Variants in GALNT13 observed in about 807,000 individuals in gnomAD.
GALNT13 encodes the protein UDP-GalNAc:polypeptide N-acetylgalactosaminyltransferase 13.
A neutral mutation model predicts 64.2 loss-of-function variants in GALNT13; 28 were observed. That is an observed-to-expected ratio of 0.44 (90% CI 0.32 to 0.60). The LOEUF (loss-of-function observed/expected upper bound fraction) is 0.60. Among genes scored for constraint, GALNT13 ranks in the 20% least tolerant of loss-of-function variants. The pLI is 0.05. For missense variants in GALNT13, 577 were observed against 669.8 expected (o/e 0.86, Z 1.53); for synonymous variants, 214 against 224.6 (o/e 0.95, Z 0.42).
At chr2:153,641,589 T>G in the GALNT13 span, among the ~76,000 whole-genome samples, 1 of 152,152 alleles carries the variant, frequency 6.6e-6, no homozygotes, top group Admixed American at 6.6e-5. Flanking sequence ...CCATGTTTAC[T>G]TGTAAGCGGG....
the GALNT13 span, among the ~76,000 whole-genome samples, chr2:153,345,651 C>CTT: frequency 7.7e-6 from 1 of 129,522 alleles, no homozygotes; most frequent in East Asian, 2.3e-4. Flanking sequence ...TTCTTTCTTT[C>CTT]TTTCTTTCTT....
chr2:153,187,174 A>G, the GALNT13 span, among the ~76,000 whole-genome samples: 42 of 152,342 alleles, frequency 2.8e-4, 1 homozygote, highest in Middle Eastern at 3.4e-3. Flanking sequence ...AAAAATAATA[A>G]TTGACATAAT....
At chr2:153,320,224 T>G in the GALNT13 span, among the ~76,000 whole-genome samples, 1 of 152,208 alleles carries the variant, frequency 6.6e-6, no homozygotes, top group Admixed American at 6.5e-5. Flanking sequence ...ATTTTTTACG[T>G]GTTTTAATAA....
intron 9 of GALNT13, among the ~76,000 whole-genome samples, chr2:154,302,641 T>C (rs550496441): frequency 6.6e-6 from 1 of 152,048 alleles, no homozygotes; most frequent in Non-Finnish European, 1.5e-5. Flanking sequence ...GTGCCCAAGA[T>C]GGTTGGGTTA....
the GALNT13 span, among the ~76,000 whole-genome samples, chr2:153,733,941 C>A: frequency 1.3e-5 from 2 of 152,148 alleles, no homozygotes; most frequent in South Asian, 4.1e-4. Flanking sequence ...CGTCTTAGAG[C>A]CATCCCCTTT....
the GALNT13 span, chr2:153,421,969 G>T: frequency 6.4e-6 from 1 of 157,004 alleles, no homozygotes; most frequent in South Asian, 1.7e-4. Flanking sequence ...AGTGGCTACA[G>T]GTTAGAAAAG....
intron 6 of GALNT13, among the ~76,000 whole-genome samples, chr2:154,244,751 C>A (rs1317665772): frequency 1.3e-5 from 2 of 152,114 alleles, no homozygotes; most frequent in Non-Finnish European, 1.5e-5. Context: ...TAAAAGTGTA[C>A]CTAATGATTT....
the GALNT13 span, among the ~76,000 whole-genome samples, chr2:153,358,447 C>T: frequency 2.6e-5 from 4 of 152,128 alleles, no homozygotes; most frequent in African/African-American, 9.6e-5. Flanking sequence ...AAGCTAAGGA[C>T]TAAGGTTACC....
intron 12 of GALNT13, among the ~76,000 whole-genome samples, chr2:154,444,454 G>A (rs1450731004): frequency 6.6e-6 from 1 of 152,082 alleles, no homozygotes; most frequent in African/African-American, 2.4e-5. Flanking sequence ...AGCAAGAAAT[G>A]TTTTTAGCAG....
the GALNT13 span, among the ~76,000 whole-genome samples, chr2:153,511,413 TA>T: frequency 6.6e-6 from 1 of 151,688 alleles, no homozygotes; most frequent in Non-Finnish European, 1.5e-5. Flanking sequence ...AGCATGGGGG[TA>T]TAGATTCAGT....
At chr2:154,250,519 A>G (rs572899530) in intron 7 of GALNT13, among the ~76,000 whole-genome samples, 13 of 152,038 alleles carry the variant, frequency 8.6e-5, no homozygotes, top group Non-Finnish European at 1.6e-4. Context: ...GTGTTTGCAT[A>G]CAAAGTGATT....
At chr2:154,437,550 A>G (rs1249518057) in intron 11 of GALNT13, 1 of 1,285,652 alleles carries the variant, frequency 7.8e-7, no homozygotes, top group South Asian at 1.2e-5. Context: ...ACATTCTATA[A>G]TTATGTGCTT....
the GALNT13 span, among the ~76,000 whole-genome samples, chr2:153,594,370 G>A: frequency 6.6e-6 from 1 of 152,204 alleles, no homozygotes; most frequent in East Asian, 1.9e-4. Context: ...TGCCTTGGGT[G>A]ACTGTACTTG....
the GALNT13 span, among the ~76,000 whole-genome samples, chr2:153,163,818 G>C: frequency 6.6e-6 from 1 of 152,088 alleles, no homozygotes; most frequent in East Asian, 1.9e-4. Flanking sequence ...AGGAGATCGA[G>C]ACCATCCTGG....
chr2:154,191,348 T>C (rs1057102252), intron 4 of GALNT13, among the ~76,000 whole-genome samples: 1 of 152,180 alleles, frequency 6.6e-6, no homozygotes, highest in African/African-American at 2.4e-5. Flanking sequence ...TTTAGATGTA[T>C]TTAGACTTTA....
chr2:153,401,972 G>A, the GALNT13 span, among the ~76,000 whole-genome samples: 3 of 147,862 alleles, frequency 2.0e-5, no homozygotes, highest in Non-Finnish European at 3.0e-5. Flanking sequence ...CTGTCATTAT[G>A]ATGTTAGCTG....
chr2:153,660,797 G>T, the GALNT13 span, among the ~76,000 whole-genome samples: 1 of 151,960 alleles, frequency 6.6e-6, no homozygotes, highest in Admixed American at 6.6e-5. Context: ...AAAAGAGCAA[G>T]AGGTAGAGCC....
the GALNT13 span, among the ~76,000 whole-genome samples, chr2:153,686,301 T>C: frequency 2.0e-5 from 3 of 152,086 alleles, no homozygotes; most frequent in Non-Finnish European, 4.4e-5. Flanking sequence ...TTCCATTTGT[T>C]TGTGTCATCT....
intron 12 of GALNT13, chr2:154,446,904 C>G (rs956872256): frequency 2.1e-5 from 17 of 824,868 alleles, no homozygotes; most frequent in Non-Finnish European, 2.8e-5. Flanking sequence ...CTGTCTTTTA[C>G]TTCCTAGCTA....
Sources: allele counts gnomAD v4.1 joint callset (sites outside exome capture counted in the v4.1 genomes callset), GRCh38; gene constraint gnomAD v4.1.1; transcripts MANE v1.5; gene names NCBI Gene and HGNC (gene_info 2026-07-23, HGNC 2026-07-21).